The following NALF1 variants were observed in gnomAD, a reference collection of about 807,000 sequenced individuals.
The protein encoded by NALF1 is NALCN channel auxiliary factor 1.
A neutral mutation model predicts 48.4 loss-of-function variants in NALF1; 3 were observed. The ratio of observed to expected loss-of-function variants is 0.06; its 90% CI spans 0.03 to 0.16. The LOEUF is 0.16. NALF1 is among the 10% of genes least tolerant of loss of function. NALF1 has a pLI of 1.00. For synonymous variants in NALF1, 262 were observed against 245.7 expected (o/e 1.07, Z -0.62); for missense variants, 526 against 571.5 (o/e 0.92, Z 0.81).
intron 1 of NALF1, among the ~76,000 whole-genome samples, chr13:107,708,708 T>G (rs1307737495): frequency 8.8e-5 from 2 of 22,670 alleles, no homozygotes; most frequent in South Asian, 2.6e-3. Flanking sequence ...CTTTATACCT[T>G]TTCTCTTTAT....
At chr13:107,345,102 T>TAC in intron 1 of NALF1, among the ~76,000 whole-genome samples, 1 of 151,346 alleles carries the variant, frequency 6.6e-6, no homozygotes, top group African/African-American at 2.4e-5. Context: ...CACACACACA[T>TAC]ACACACACAC....
At chr13:107,567,111 T>C (rs958532676) in intron 1 of NALF1, among the ~76,000 whole-genome samples, 11 of 152,210 alleles carry the variant, frequency 7.2e-5, no homozygotes, top group South Asian at 2.1e-4. Flanking sequence ...AACAGTTTAA[T>C]GAACATTCTT....
chr13:107,647,051 T>A (rs2138464245), intron 1 of NALF1, among the ~76,000 whole-genome samples: 1 of 152,234 alleles, frequency 6.6e-6, no homozygotes, highest in South Asian at 2.1e-4. Context: ...TATTGTAGCT[T>A]TATTTATAAA....
intron 1 of NALF1, among the ~76,000 whole-genome samples, chr13:107,706,487 TATC>T (rs1881950241): frequency 1.3e-5 from 2 of 152,346 alleles, no homozygotes; most frequent in African/African-American, 4.8e-5. Flanking sequence ...TAGATTTTCT[TATC>T]ATATTTATTT....
intron 2 of NALF1, among the ~76,000 whole-genome samples, chr13:107,182,935 A>G (rs1879097393): frequency 6.6e-6 from 1 of 152,234 alleles, no homozygotes; most frequent in African/African-American, 2.4e-5. Context: ...CAGGAATATT[A>G]GAAACATCCA....
At chr13:107,331,474 C>T (rs1277110024) in intron 1 of NALF1, among the ~76,000 whole-genome samples, 1 of 152,124 alleles carries the variant, frequency 6.6e-6, no homozygotes, top group African/African-American at 2.4e-5. Flanking sequence ...ACTGGAGAAA[C>T]AGAGGTCCAC....
At chr13:107,665,041 C>G (rs1468464393) in intron 1 of NALF1, among the ~76,000 whole-genome samples, 1 of 152,008 alleles carries the variant, frequency 6.6e-6, no homozygotes, top group Non-Finnish European at 1.5e-5. Context: ...ATAATGGTTA[C>G]TATAAGAGGA....
chr13:107,420,891 A>G (rs1451066007), intron 1 of NALF1, among the ~76,000 whole-genome samples: 1 of 152,014 alleles, frequency 6.6e-6, no homozygotes, highest in Non-Finnish European at 1.5e-5. Context: ...ACATTTCATA[A>G]CTTCTTGCTT....
chr13:107,681,930 G>A (rs1881315277), intron 1 of NALF1, among the ~76,000 whole-genome samples: 2 of 152,120 alleles, frequency 1.3e-5, no homozygotes, highest in Admixed American at 1.3e-4. Flanking sequence ...TTCCCAGTCG[G>A]CTCTTCTCAC....
chr13:107,716,202 T>C (rs750878775), intron 1 of NALF1, among the ~76,000 whole-genome samples: 2 of 152,218 alleles, frequency 1.3e-5, no homozygotes, highest in Non-Finnish European at 2.9e-5. Context: ...TAGCTGGAGT[T>C]ATTACCAAAG....
intron 1 of NALF1, among the ~76,000 whole-genome samples, chr13:107,381,037 T>C (rs1883429169): frequency 6.7e-6 from 1 of 149,298 alleles, no homozygotes; most frequent in South Asian, 2.1e-4. Flanking sequence ...TTTCATTTCA[T>C]ATATATGTAA....
intron 1 of NALF1, among the ~76,000 whole-genome samples, chr13:107,595,466 T>C (rs941238392): frequency 6.6e-6 from 1 of 152,150 alleles, no homozygotes; most frequent in Non-Finnish European, 1.5e-5. Flanking sequence ...AGGAACATTT[T>C]TCTAATATTG....
At chr13:107,638,036 C>A (rs1021469625) in intron 1 of NALF1, among the ~76,000 whole-genome samples, 49 of 151,580 alleles carry the variant, frequency 3.2e-4, no homozygotes, top group Non-Finnish European at 6.8e-4. Context: ...CCTTAATGAC[C>A]GTAAGTCATC....
At chr13:107,451,962 C>G (rs1468143474) in intron 1 of NALF1, among the ~76,000 whole-genome samples, 1 of 152,186 alleles carries the variant, frequency 6.6e-6, no homozygotes, top group Non-Finnish European at 1.5e-5. Context: ...CTCTGTTTTA[C>G]TGGTGTCCCT....
intron 1 of NALF1, among the ~76,000 whole-genome samples, chr13:107,464,890 T>C (rs1265005797): frequency 6.6e-6 from 1 of 152,214 alleles, no homozygotes; most frequent in African/African-American, 2.4e-5. Context: ...ATTTAATGTA[T>C]ACCACTTGAT....
chr13:107,199,115 T>C (rs572314230), intron 2 of NALF1, among the ~76,000 whole-genome samples: 17 of 151,820 alleles, frequency 1.1e-4, no homozygotes, highest in African/African-American at 4.1e-4. Context: ...ACAGATGTCA[T>C]TATTGGGGTG....
At chr13:107,531,730 T>A (rs1433560924) in intron 1 of NALF1, among the ~76,000 whole-genome samples, 1 of 152,098 alleles carries the variant, frequency 6.6e-6, no homozygotes, top group Non-Finnish European at 1.5e-5. Flanking sequence ...AGTATGCTCA[T>A]CTTCTTTTGT....
At chr13:107,593,220 T>C (rs1013588632) in intron 1 of NALF1, among the ~76,000 whole-genome samples, 1 of 151,918 alleles carries the variant, frequency 6.6e-6, no homozygotes, top group African/African-American at 2.4e-5. Context: ...TTAAGAACAT[T>C]TAATGCTGTA....
At chr13:107,406,037 G>A (rs563951822) in intron 1 of NALF1, among the ~76,000 whole-genome samples, 9 of 152,014 alleles carry the variant, frequency 5.9e-5, no homozygotes, top group Admixed American at 2.6e-4. Context: ...TCTCTCAGAC[G>A]ATCACCACCA....
Sources: allele counts gnomAD v4.1 joint callset (sites outside exome capture counted in the v4.1 genomes callset), GRCh38; gene constraint gnomAD v4.1.1; transcripts MANE v1.5; gene names NCBI Gene and HGNC (gene_info 2026-07-23, HGNC 2026-07-21).